SDK1: variants seen among roughly 807,000 people sequenced by gnomAD.
SDK1 encodes protein sidekick-1.
In SDK1, 157 loss-of-function variants were observed where a neutral mutation model predicts 245.5. That is an observed-to-expected ratio of 0.64 (90% CI 0.56 to 0.73). SDK1 has a LOEUF of 0.73. Among genes scored for constraint, SDK1 ranks in the 30% least tolerant of loss-of-function variants. The pLI is 0.00. For synonymous variants in SDK1, 1,647 were observed against 1,278.5 expected, an observed-to-expected ratio of 1.29 and a Z score of -6.15; for missense variants, 3,583 against 3,002.3, an observed-to-expected ratio of 1.19 and a Z score of -4.52.
At chr7:4,068,673 C>T (rs1015538099) in intron 20 of SDK1, among the ~76,000 whole-genome samples, 8 of 151,784 alleles carry the variant, frequency 5.3e-5, no homozygotes, top group African/African-American at 1.9e-4. Context: ...TTGAGGGGGT[C>T]TCTGTGGGAG....
intron 38 of SDK1, among the ~76,000 whole-genome samples, chr7:4,210,477 T>G (rs1294289827): frequency 6.6e-6 from 1 of 152,100 alleles, no homozygotes; most frequent in Non-Finnish European, 1.5e-5. Context: ...AAGACATTCC[T>G]CTCCTATTCC....
chr7:4,205,005 A>AATGGCGGTGTGGTG (rs1784132305), intron 35 of SDK1, among the ~76,000 whole-genome samples: 1 of 91,706 alleles, frequency 1.1e-5, no homozygotes, highest in Non-Finnish European at 2.2e-5. Context: ...GCGGTGTGGT[A>AATGGCGGTGTGGTG]AGGCGCGGAG....
rs1787355976 is a variant in SDK1, at chr7:4,026,477, A to G, written c.2602+9125A>G. Among the ~76,000 whole-genome samples, 1 of 152,232 alleles carries G rather than the reference A, an allele frequency of 6.6e-6. No individual in the cohort carries two copies. Among genetic ancestry groups the G allele is most frequent in the South Asian group, 2.1e-4 (1 of 4,830 alleles). ...GGCTTCACGAGGGCCCGGTGTGCAG[A>G]CAGCCTGCCAGGGCCTGCGGGCTCT... On this transcript the variant is annotated intron_variant, in intron 17 of 44. Transcript: ENST00000404826. This position sits in a 1 kb window ranked among gnomAD's most constrained non-coding sequence, Gnocchi z 4.1.
chr7:3,465,409 G>C (rs765076303), intron 1 of SDK1, among the ~76,000 whole-genome samples: 1 of 152,190 alleles, frequency 6.6e-6, no homozygotes, highest in African/African-American at 2.4e-5. Flanking sequence ...AGTAACGTCA[G>C]CATAATTTGA....
In SDK1 at chr7:4,037,244, C is replaced by T. The variant is rs532743179; in HGVS notation, c.2603-12104C>T. 7.2e-5 allele frequency among the ~76,000 whole-genome samples: 11 copies of T among 152,300 alleles called. No individual in the cohort carries two copies. The South Asian group carries it at 8.3e-4, about 11-fold the overall frequency. On this transcript the variant is annotated intron_variant, in intron 17 of 44. Transcript: ENST00000404826. ...AACTTCATCTAGAAGATCATTAAAT[C>T]GAACAAGCTTCGACTGCACACTGGG...
At chr7:3,962,204 C>G (rs1781752582) in intron 8 of SDK1, among the ~76,000 whole-genome samples, 1 of 152,224 alleles carries the variant, frequency 6.6e-6, no homozygotes, top group African/African-American at 2.4e-5. Context: ...ATGTATTCTG[C>G]CCAAGGTGAC....
At chr7:4,009,022 A>G (rs1028829201) in intron 14 of SDK1, among the ~76,000 whole-genome samples, 8 of 152,192 alleles carry the variant, frequency 5.3e-5, no homozygotes, top group Non-Finnish European at 1.2e-4. Flanking sequence ...CAACCGCGAA[A>G]TGGGGCGGAA....
intron 5 of SDK1, among the ~76,000 whole-genome samples, chr7:3,923,022 T>G (rs972291293): frequency 1.8e-4 from 27 of 152,374 alleles, no homozygotes; most frequent in African/African-American, 6.3e-4. Context: ...TTGTATGCAC[T>G]ATCCAGTCTG....
At chr7:3,729,413 C>G (rs958525686) in intron 4 of SDK1, among the ~76,000 whole-genome samples, 8 of 152,196 alleles carry the variant, frequency 5.3e-5, no homozygotes, top group Admixed American at 2.0e-4. Flanking sequence ...TTAGGAAACA[C>G]TTAACAATTT....
chr7:4,060,592 G>A (rs1026174279), intron 19 of SDK1, among the ~76,000 whole-genome samples: 1 of 151,956 alleles, frequency 6.6e-6, no homozygotes, highest in Non-Finnish European at 1.5e-5. Context: ...TGTGTAGGTT[G>A]CCTGTTCACT....
chr7:3,378,397 T>C (rs1781404340), intron 1 of SDK1, among the ~76,000 whole-genome samples: 1 of 152,224 alleles, frequency 6.6e-6, no homozygotes, highest in African/African-American at 2.4e-5. Context: ...TGTGCTCAGA[T>C]GACCTGTTCT....
chr7:3,930,622 G>A (rs1366468923), intron 5 of SDK1, among the ~76,000 whole-genome samples: 1 of 152,082 alleles, frequency 6.6e-6, no homozygotes, highest in Admixed American at 6.5e-5. Flanking sequence ...TAATTAATCA[G>A]AAAGGACAAA....
At chr7:4,240,107 T>G (rs1317447082) in intron 42 of SDK1, among the ~76,000 whole-genome samples, 1 of 152,348 alleles carries the variant, frequency 6.6e-6, no homozygotes, top group Admixed American at 6.5e-5. Flanking sequence ...ATTTACAGTG[T>G]ATGAATGGCG....
chr7:3,316,813 ATTGTATCCCCC>A (rs1390721526), intron 1 of SDK1, among the ~76,000 whole-genome samples: 4 of 152,072 alleles, frequency 2.6e-5, no homozygotes, highest in Non-Finnish European at 4.4e-5. Flanking sequence ...TTTGTTTTCA[ATTGTATCCCCC>A]TTTTTTGCTT....
chr7:4,068,108 C>T (rs2128173379), intron 20 of SDK1, among the ~76,000 whole-genome samples, 172 bp downstream of exon 20: 1 of 152,280 alleles, frequency 6.6e-6, no homozygotes, highest in African/African-American at 2.4e-5. Flanking sequence ...TGGGACTGCC[C>T]CAGTGAGAGC....
chr7:3,834,393 A>G (rs937919612), intron 5 of SDK1, among the ~76,000 whole-genome samples: 13 of 152,252 alleles, frequency 8.5e-5, no homozygotes, highest in African/African-American at 2.9e-4. Flanking sequence ...AGTGTGTTAA[A>G]TGCCACACGA....
chr7:3,523,741 G>A (rs1488828358), intron 1 of SDK1, among the ~76,000 whole-genome samples: 5 of 152,070 alleles, frequency 3.3e-5, no homozygotes, highest in African/African-American at 4.8e-5. Context: ...AGAATTAATC[G>A]ATTAATAATA....
At chr7:3,864,885 C>T (rs775674313) in intron 5 of SDK1, among the ~76,000 whole-genome samples, 10 of 152,302 alleles carry the variant, frequency 6.6e-5, no homozygotes, top group Non-Finnish European at 8.8e-5. Context: ...ATTCTCTCCA[C>T]AAAGAAGAAA....
rs553697218 is a variant in SDK1, at chr7:4,034,120, C to T, written c.2603-15228C>T. On this transcript the variant is annotated intron_variant, in intron 17 of 44. Transcript: ENST00000404826. Reference sequence around the variant, plus strand: ...TGCTATTCGTGCCTACGATGCAAGCCTGAATCAAGTTAAAAAGAAACATCA... The same window carrying T: ...TGCTATTCGTGCCTACGATGCAAGCTTGAATCAAGTTAAAAAGAAACATCA... 2.9e-4 allele frequency among the ~76,000 whole-genome samples: 44 copies of T among 152,262 alleles called. 1 individual carries two copies. Among genetic ancestry groups the T allele is most frequent in the Middle Eastern group, 3.4e-3 (1 of 294 alleles).
Sources: allele counts gnomAD v4.1 joint callset (sites outside exome capture counted in the v4.1 genomes callset), GRCh38; gene constraint gnomAD v4.1.1; non-coding constraint Gnocchi (gnomAD v3.1); transcripts MANE v1.5; gene names NCBI Gene and HGNC (gene_info 2026-07-23, HGNC 2026-07-21).